SCAF8: variants seen among roughly 807,000 people sequenced by gnomAD.
SCAF8 encodes the protein SR-related CTD associated factor 8, also known as SR-related and CTD-associated factor 8.
Under a neutral mutation model 140.5 loss-of-function variants are expected in SCAF8, and 23 were observed. The ratio of observed to expected loss-of-function variants is 0.16; its 90% CI spans 0.12 to 0.23. The LOEUF is 0.23. Ranked by LOEUF, SCAF8 falls within the 10% of genes least tolerant of loss-of-function variation. The pLI is 1.00. For synonymous variants in SCAF8, 575 were observed against 528.9 expected (o/e 1.09, Z -1.20); for missense variants, 1,397 against 1,555.7 (o/e 0.90, Z 1.72).
At chr6:154,804,530 G>A (rs1389473852) in intron 8 of SCAF8, among the ~76,000 whole-genome samples, 2 of 152,102 alleles carry the variant, frequency 1.3e-5, no homozygotes, top group African/African-American at 2.4e-5. Context: ...GTGTTCTTTT[G>A]TTGAGCTGAA....
chr6:154,823,683 C>T (rs530829172), intron 16 of SCAF8, among the ~76,000 whole-genome samples: 1 of 152,276 alleles, frequency 6.6e-6, no homozygotes, highest in East Asian at 1.9e-4. Context: ...TCAGTTGTTT[C>T]ATACATGTTG....
chr6:154,788,014 G>A lies in SCAF8; in HGVS notation c.313G>A (p.Asp105Asn), dbSNP rs774216509. 1 of 1,600,596 alleles carries A rather than the reference G, an allele frequency of 6.2e-7. No individual in the cohort carries two copies. Among genetic ancestry groups the A allele is most frequent in the Non-Finnish European group, 8.5e-7 (1 of 1,176,054 alleles). ...CCAGAATTTATATCGTTGCCCTGGG[G>A]ATGACAAGGTATGCTACTGGTTTTT... ...TFQNLYRCPG[D>N]DKSKIVRVLN... The change falls in exon 4 of 20, where the codon GAT becomes AAT. Residue 105 changes from aspartate to asparagine, a missense_variant. Physicochemically the swap from Asp to Asn is conservative, Grantham distance 23. Transcript: ENST00000367178.
At chr6:154,746,193 T>C (rs1284728510) in intron 1 of SCAF8, among the ~76,000 whole-genome samples, 1 of 152,210 alleles carries the variant, frequency 6.6e-6, no homozygotes, top group East Asian at 1.9e-4. Flanking sequence ...GCTAAACTCA[T>C]GGATTTTTTT....
At chr6:154,815,263 C>T (rs1562460779) in intron 12 of SCAF8, among the ~76,000 whole-genome samples, 1 of 152,052 alleles carries the variant, frequency 6.6e-6, no homozygotes, top group Non-Finnish European at 1.5e-5. Context: ...TGCCACTGCA[C>T]TCCAGCCTGG....
intron 6 of SCAF8, among the ~76,000 whole-genome samples, chr6:154,797,811 T>C (rs563149088): frequency 2.6e-5 from 4 of 151,700 alleles, no homozygotes; most frequent in African/African-American, 4.8e-5. Context: ...TAACCTGTTA[T>C]ATTTTTCTAA....
intron 1 of SCAF8, among the ~76,000 whole-genome samples, chr6:154,772,291 C>T (rs1208842633): frequency 6.6e-6 from 1 of 152,220 alleles, no homozygotes; most frequent in Non-Finnish European, 1.5e-5. Flanking sequence ...AAATCAGCAT[C>T]TCTGCATATA....
rs1285546116 is a variant in SCAF8 at position 154,832,292 on chromosome 6, C to T, written c.2713C>T (p.Pro905Ser). 6.2e-7 allele frequency: 1 copy of T among 1,614,062 alleles called. No individual in the cohort carries two copies. Among genetic ancestry groups the T allele is most frequent in the Admixed American group, 1.7e-5 (1 of 60,010 alleles). Reference sequence around the variant, plus strand: ...TCTGGGAACACAGCCACCAGCTGGACCTCAAAACTTACCCCCTTTAAGTAT... The same window carrying T: ...TCTGGGAACACAGCCACCAGCTGGATCTCAAAACTTACCCCCTTTAAGTAT... ...GLLGTQPPAGPQNLPPLSIPN... is the reference protein window; with the variant it reads ...GLLGTQPPAGSQNLPPLSIPN... Residue 905 changes from proline to serine, a missense_variant, in exon 20 of 20, where the codon CCT becomes TCT. Physicochemically the swap from Pro to Ser is moderately conservative, Grantham distance 74 (BLOSUM62 -1). Coordinates refer to ENST00000367178, the MANE Select transcript of SCAF8 (RefSeq NM_014892.5).
At chr6:154,789,203 G>C (rs1048612924) in intron 4 of SCAF8, among the ~76,000 whole-genome samples, 1 of 152,052 alleles carries the variant, frequency 6.6e-6, no homozygotes, top group African/African-American at 2.4e-5. Flanking sequence ...CTGCCTCCCG[G>C]GTTCAAGTGA....
chr6:154,759,696 G>A (rs995270136), intron 1 of SCAF8, among the ~76,000 whole-genome samples: 3 of 136,852 alleles, frequency 2.2e-5, no homozygotes, highest in Non-Finnish European at 4.6e-5. Context: ...ATGGAGTCTC[G>A]CTCTTGTCAC....
intron 3 of SCAF8, among the ~76,000 whole-genome samples, chr6:154,778,755 C>A (rs1363440179): frequency 1.3e-5 from 2 of 148,746 alleles, no homozygotes; most frequent in Admixed American, 6.8e-5. Context: ...CAGAGTGAGA[C>A]CCTGTCTCAA....
chr6:154,802,224 ATAAAT>A, intron 7 of SCAF8, 77 bp downstream of exon 7: 2 of 886,776 alleles, frequency 2.3e-6, no homozygotes, highest in Non-Finnish European at 3.2e-6. Context: ...AATTCTATAA[ATAAAT>A]TTTATTGTAG....
intron 1 of SCAF8, among the ~76,000 whole-genome samples, chr6:154,738,019 G>C (rs2114786407): frequency 6.6e-6 from 1 of 152,124 alleles, no homozygotes; most frequent in Admixed American, 6.6e-5. Context: ...AGATGCCAGA[G>C]ACTTTAGGAA....
At chr6:154,749,107 T>C (rs1288551311) in intron 1 of SCAF8, among the ~76,000 whole-genome samples, 2 of 152,164 alleles carry the variant, frequency 1.3e-5, no homozygotes, top group Non-Finnish European at 2.9e-5. Flanking sequence ...CATCCTTGGC[T>C]AATTTTGTAT....
chr6:154,771,955 T>G (rs984769635), intron 1 of SCAF8, among the ~76,000 whole-genome samples: 1 of 152,170 alleles, frequency 6.6e-6, no homozygotes, highest in Non-Finnish European at 1.5e-5. Flanking sequence ...TAGACGTTGT[T>G]CTTCAGGTGA....
chr6:154,778,415 A>G (rs911978027), intron 3 of SCAF8, among the ~76,000 whole-genome samples: 3 of 152,184 alleles, frequency 2.0e-5, no homozygotes, highest in African/African-American at 7.2e-5. Flanking sequence ...GTTAGCCTTT[A>G]TGTCATTGAG....
At chr6:154,742,398 A>G (rs1778593438) in intron 1 of SCAF8, among the ~76,000 whole-genome samples, 1 of 152,186 alleles carries the variant, frequency 6.6e-6, no homozygotes, top group South Asian at 2.1e-4. Flanking sequence ...AAGATGACAA[A>G]TTATTGACAT....
rs979701135 is a variant in SCAF8, at chr6:154,787,717, A to G, written c.160-144A>G. On this transcript the variant is annotated intron_variant, in intron 3 of 19. Transcript: ENST00000367178. ...TAAAATGCCATTCCAGAAACTGATGATATTGGAGTAGTCAATGTATGAATA... is the reference window on the plus strand; with the variant it reads ...TAAAATGCCATTCCAGAAACTGATGGTATTGGAGTAGTCAATGTATGAATA... The G allele has an allele frequency of 1.8e-5, 11 of 613,580 alleles. No homozygotes were observed. In the African/African-American group the frequency reaches 2.0e-4, roughly 11 times the overall value. The allele number at this position is 613,580 out of a possible 1,614,324, so 38.0% of individuals were successfully genotyped here.
chr6:154,734,646 A>T (rs1017835091), intron 1 of SCAF8, among the ~76,000 whole-genome samples: 17 of 152,238 alleles, frequency 1.1e-4, no homozygotes, highest in Non-Finnish European at 2.4e-4. Flanking sequence ...CGTGTCAAAC[A>T]AGATTTTAAA....
chr6:154,803,017 A>C (rs560527586), intron 7 of SCAF8, among the ~76,000 whole-genome samples: 1 of 152,178 alleles, frequency 6.6e-6, no homozygotes, highest in African/African-American at 2.4e-5. Flanking sequence ...AGTGGTGTTC[A>C]TATTTTTAAA....
Sources: gnomAD v4.1 joint callset for allele counts (sites outside exome capture counted in the v4.1 genomes callset) on GRCh38, gnomAD v4.1.1 for gene constraint, MANE v1.5 for transcripts, NCBI Gene and HGNC (gene_info 2026-07-23, HGNC 2026-07-21) for gene names.